ZFP64: variants seen among roughly 807,000 people sequenced by gnomAD.
ZFP64 encodes the protein zinc finger protein 64.
ZFP64 carries 14 observed loss-of-function variants against 51.6 expected under a neutral mutation model. The ratio of observed to expected loss-of-function variants is 0.27; its 90% CI spans 0.18 to 0.42. The LOEUF (loss-of-function observed/expected upper bound fraction) is 0.42. Ranked by LOEUF, ZFP64 falls within the 10% of genes least tolerant of loss-of-function variation. The pLI, the probability that ZFP64 is intolerant of heterozygous loss-of-function variation, is 1.00. For missense variants in ZFP64, 754 were observed against 906.8 expected (o/e 0.83, Z 2.16); for synonymous variants, 375 against 361.4 (o/e 1.04, Z -0.43).
At chr20:52,107,832 A>G (rs890366135) in intron 5 of ZFP64, among the ~76,000 whole-genome samples, 3 of 152,186 alleles carry the variant, frequency 2.0e-5, no homozygotes, top group African/African-American at 7.2e-5. Flanking sequence ...ATCTTTCTAA[A>G]AAGTGTCAGA....
intron 6 of ZFP64, among the ~76,000 whole-genome samples, chr20:52,098,263 C>G (rs1001613030): frequency 6.6e-6 from 1 of 151,922 alleles, no homozygotes; most frequent in Non-Finnish European, 1.5e-5. Context: ...ACGCTGAGCT[C>G]TGGATGCTAC....
intron 5 of ZFP64, among the ~76,000 whole-genome samples, chr20:52,099,941 AAT>A (rs1376033324): frequency 1.4e-4 from 22 of 152,268 alleles, no homozygotes; most frequent in Non-Finnish European, 3.1e-4. Flanking sequence ...AAGATTCTGA[AAT>A]ATCTCAAAAT....
At chr20:52,106,074 C>A (rs748129485) in intron 5 of ZFP64, among the ~76,000 whole-genome samples, 1 of 152,142 alleles carries the variant, frequency 6.6e-6, no homozygotes, top group Admixed American at 6.5e-5. Context: ...TTATATAGCA[C>A]GCGCCCGCTC....
chr20:52,157,156 C>A (rs987624057), intron 5 of ZFP64, among the ~76,000 whole-genome samples: 9 of 152,164 alleles, frequency 5.9e-5, no homozygotes, highest in Non-Finnish European at 1.0e-4. Context: ...TTATTAAAAT[C>A]TCCAAAAGAG....
chr20:52,184,629 T>TTTTTAA (rs1555811347), intron 2 of ZFP64, among the ~76,000 whole-genome samples: 3 of 151,856 alleles, frequency 2.0e-5, no homozygotes, highest in Non-Finnish European at 4.4e-5. Context: ...TAAATCCCTC[T>TTTTTAA]TTTTTATTTT....
At chr20:52,164,552 C>T in intron 4 of ZFP64, 143 bp downstream of exon 4, 1 of 726,956 alleles carries the variant, frequency 1.4e-6, no homozygotes, top group Non-Finnish European at 2.4e-6. Context: ...ACAAATGGCA[C>T]CTTATTTTTT....
chr20:52,109,918 T>C (rs1052768874), intron 5 of ZFP64, among the ~76,000 whole-genome samples: 1 of 152,176 alleles, frequency 6.6e-6, no homozygotes, highest in African/African-American at 2.4e-5. Context: ...AAACATGCAT[T>C]GAAAAGTACT....
At chr20:52,146,900 G>T (rs1180894777), downstream of ZFP64, among the ~76,000 whole-genome samples, 1 of 152,146 alleles carries the variant, frequency 6.6e-6, no homozygotes, top group Non-Finnish European at 1.5e-5. Flanking sequence ...AATTCAACAT[G>T]ACCAAGAGGA....
chr20:52,173,355 G>A (rs963800926), intron 2 of ZFP64, among the ~76,000 whole-genome samples: 7 of 152,202 alleles, frequency 4.6e-5, no homozygotes, highest in Non-Finnish European at 8.8e-5. Flanking sequence ...GGGAGGCTGA[G>A]GCAGGATGAT....
intron 5 of ZFP64, among the ~76,000 whole-genome samples, chr20:52,115,289 C>G (rs1227017103): frequency 6.7e-6 from 1 of 150,074 alleles, no homozygotes; most frequent in Non-Finnish European, 1.5e-5. Context: ...GAAAAAAAAG[C>G]AAGGCCCACA....
chr20:52,098,379 G>C (rs1392796794), intron 6 of ZFP64: 1 of 1,594,510 alleles, frequency 6.3e-7, no homozygotes, highest in African/African-American at 1.3e-5. Flanking sequence ...GATTCACGTA[G>C]GGCTTGCAGA....
Position 52,152,768 on chromosome 20 carries a change from A to G in ZFP64, c.1424T>C (p.Leu475Pro). The change falls in exon 6 of 6, where the codon CTC becomes CCC. Residue 475 changes from leucine (L) to proline (P), a missense_variant. By Grantham distance (98) the Leu-to-Pro change is moderately conservative. Around this residue, in one of 3 missense-constraint regions of ZFP64, gnomAD observed 428 missense variants for 472.4 expected, o/e 0.91. Coordinates refer to ENST00000216923, the MANE Select transcript of ZFP64 (RefSeq NM_018197.3). ...GGGCACCTGGAGGTGTCCCACAGTG[A>G]GGGGCGTGGCGGGCTGCTTGCTGGG... ...IDPSKQPATP[L>P]TVGHLQVPLQ... 6.2e-7 allele frequency: 1 copy of G among 1,600,954 alleles called. No homozygotes were observed. Among genetic ancestry groups the G allele is most frequent in the Non-Finnish European group, 8.5e-7 (1 of 1,171,474 alleles).
At chr20:52,104,895 G>A (rs1867835698) in intron 5 of ZFP64, 11 of 672,536 alleles carry the variant, frequency 1.6e-5, no homozygotes, top group South Asian at 1.5e-4. Flanking sequence ...TCGTTGACTA[G>A]CTCTTGAGAG....
rs1317207111 is a variant in ZFP64, at chr20:52,153,201, G to C, written c.991C>G (p.Arg331Gly). The C allele has an allele frequency of 1.2e-6, 2 of 1,614,172 alleles. No homozygotes were observed. Among genetic ancestry groups the C allele is most frequent in the Non-Finnish European group, 1.7e-6 (2 of 1,180,014 alleles). ...DFLGDSKATL[R>G]KHSRVHQSEH... ...GACTGGTGCACGCGGCTGTGCTTCC[G>C]GAGGGTGGCTTTGCTGTCACCCAGG... The change falls in exon 6 of 6, where the codon CGG (arginine) becomes GGG (glycine). Residue 331 changes from arginine to glycine, a missense_variant. Physicochemically the swap from Arg to Gly is moderately radical, Grantham distance 125. Coordinates refer to ENST00000216923, the MANE Select transcript of ZFP64 (RefSeq NM_018197.3). This position sits in a 1 kb window ranked among gnomAD's most constrained non-coding sequence, Gnocchi z 5.1.
chr20:52,160,124 C>G lies in ZFP64; in HGVS notation c.762G>C (p.Thr254=). 1 of 1,614,228 alleles carries G rather than the reference C, an allele frequency of 6.2e-7. No homozygotes were observed. ...SQLTVHLRSH[T]GDAPFQCWLC... The stretch of plus-strand genomic sequence containing the variant: ...GAGCAAATAACAGGCAGGACTCACC[C>G]GTGTGGGATCGCAGGTGGACAGTGA... The change falls in exon 5 of 6, where the codon ACG becomes ACC. Residue 254 remains threonine, a splice_region_variant and synonymous_variant. Transcript: ENST00000216923. The surrounding 1 kb of genome is among the most constrained non-coding windows in gnomAD (Gnocchi z 4.2).
rs1984384085 is a variant in ZFP64 at position 52,191,632 on chromosome 20, T to C, written c.5A>G (p.Asn2Ser). The change falls in exon 1 of 6, where the codon AAC (asparagine) becomes AGC (serine). Residue 2 changes from asparagine (N) to serine (S), a missense_variant. Physicochemically the swap from Asn to Ser is conservative, Grantham distance 46. This residue lies in a region of ZFP64 where 95 missense variants were observed against 97.7 expected (regional missense o/e 0.97). Coordinates refer to ENST00000216923, the MANE Select transcript of ZFP64 (RefSeq NM_018197.3). The surrounding 1 kb of genome is among the most constrained non-coding windows in gnomAD (Gnocchi z 4.3). M[N>S]ASSEGESFAG... ...GAAGCTCTCGCCCTCGCTGCTCGCG[T>C]TCATGGCCGCAGACTGGGAGGTCCC... is the stretch of plus-strand genomic sequence containing the variant. The C allele has an allele frequency of 1.9e-6, 3 of 1,588,586 alleles. No homozygotes were observed. The highest frequency in any genetic ancestry group is 2.7e-5 in the African/African-American group (2 of 72,992).
intron 5 of ZFP64, among the ~76,000 whole-genome samples, chr20:52,134,125 G>C (rs1979858227): frequency 6.6e-6 from 1 of 151,126 alleles, no homozygotes; most frequent in Non-Finnish European, 1.5e-5. Flanking sequence ...CAGATTTACT[G>C]TGAGAATGCT....
At chr20:52,134,196 C>A (rs1979861889) in intron 5 of ZFP64, among the ~76,000 whole-genome samples, 1 of 152,012 alleles carries the variant, frequency 6.6e-6, no homozygotes, top group African/African-American at 2.4e-5. Flanking sequence ...TGTAATTTTA[C>A]ATTTTTTAAA....
chr20:52,102,107 CAAAAA>C lies in ZFP64; in HGVS notation c.764-3525_764-3521del, dbSNP rs34646115. 1.4e-4 allele frequency among the ~76,000 whole-genome samples: 9 copies of C among 63,438 alleles called. 2 individuals carry two copies. The highest frequency in any genetic ancestry group is 2.7e-4 in the African/African-American group (4 of 14,706). The allele number at this position is 63,438 out of a possible 152,430, so 41.6% of individuals were successfully genotyped here. On this transcript the variant is annotated intron_variant, in intron 5 of 8. Transcript: ENST00000361387. ...AGCCTGGTGAGAGTAACTCCATCTCCAAAAAAAAAAAAAAAAAAGGCAGCAGTCTC... is the reference window on the plus strand; with the variant it reads ...AGCCTGGTGAGAGTAACTCCATCTCCAAAAAAAAAAAAAGGCAGCAGTCTC...
Sources: gnomAD v4.1 joint callset for allele counts (sites outside exome capture counted in the v4.1 genomes callset) on GRCh38, gnomAD v4.1.1 for gene constraint, gnomAD v4.1.1 regional missense constraint, Gnocchi (gnomAD v3.1) non-coding constraint, MANE v1.5 for transcripts, NCBI Gene and HGNC (gene_info 2026-07-23, HGNC 2026-07-21) for gene names.